The following NFIC variants were observed in gnomAD, a reference collection of about 807,000 sequenced individuals.
NFIC encodes nuclear factor 1 C-type.
Under a neutral mutation model 54.4 loss-of-function variants are expected in NFIC, and 12 were observed. The ratio of observed to expected loss-of-function variants is 0.22; its 90% CI spans 0.14 to 0.36. NFIC has a LOEUF of 0.36. Among genes scored for constraint, NFIC ranks in the 10% least tolerant of loss-of-function variants. The probability of loss-of-function intolerance (pLI) is 1.00; values close to 1 mark genes in which losing one functional copy is unlikely to be tolerated. For missense variants in NFIC, 575 were observed against 718.2 expected, an observed-to-expected ratio of 0.80 and a Z score of 2.28; for synonymous variants, 322 against 319.2, an observed-to-expected ratio of 1.01 and a Z score of -0.09.
At chr19:3,411,532 C>T (rs1323181415) in intron 2 of NFIC, among the ~76,000 whole-genome samples, 4 of 151,874 alleles carry the variant, frequency 2.6e-5, no homozygotes, top group African/African-American at 4.8e-5. Flanking sequence ...TTCACCGTGT[C>T]GGTCAGGCTG....
rs554242563 is a variant in NFIC, at chr19:3,463,863, C to T, written c.*1094C>T. 6 of 984,364 alleles carry T rather than the reference C, an allele frequency of 6.1e-6. No individual in the cohort carries two copies. Among genetic ancestry groups the T allele is most frequent in the East Asian group, 1.1e-4 (1 of 8,756 alleles). The allele number at this position is 984,364 out of a possible 1,614,324, so 61.0% of individuals were successfully genotyped here. ...TGCCTGATTACCACCACCCGCCCCCCCCTTTGTCCAGCTGGGACACGGAAT... is the reference window on the plus strand; with the variant it reads ...TGCCTGATTACCACCACCCGCCCCCTCCTTTGTCCAGCTGGGACACGGAAT... On this transcript the variant is annotated 3_prime_UTR_variant, in exon 11 of 11. Coordinates refer to ENST00000443272, the MANE Select transcript of NFIC (RefSeq NM_001245002.2).
intron 2 of NFIC, among the ~76,000 whole-genome samples, chr19:3,392,467 C>G (rs940567682): frequency 6.6e-6 from 1 of 152,252 alleles, no homozygotes; most frequent in South Asian, 2.1e-4. Flanking sequence ...CCCACCACCC[C>G]GCAGACGCCC....
intron 1 of NFIC, among the ~76,000 whole-genome samples, chr19:3,376,428 C>CAAAAAAA (rs35724239): frequency 2.9e-4 from 14 of 48,184 alleles, no homozygotes; most frequent in African/African-American, 4.9e-4. Flanking sequence ...GACACTGTCT[C>CAAAAAAA]AAAAAAAAAA....
intron 10 of NFIC, among the ~76,000 whole-genome samples, chr19:3,461,531 C>T (rs1197044131): frequency 2.0e-5 from 3 of 149,438 alleles, no homozygotes; most frequent in South Asian, 2.1e-4. Flanking sequence ...AAGACCAGCC[C>T]GGCCAACATG....
intron 2 of NFIC, among the ~76,000 whole-genome samples, chr19:3,407,334 C>G (rs2081668670): frequency 6.6e-6 from 1 of 152,028 alleles, no homozygotes; most frequent in Non-Finnish European, 1.5e-5. Context: ...AGGATGGTCT[C>G]GATCTCCTGA....
At chr19:3,389,384 G>C (rs1170901282) in intron 2 of NFIC, among the ~76,000 whole-genome samples, 1 of 152,118 alleles carries the variant, frequency 6.6e-6, no homozygotes, top group Non-Finnish European at 1.5e-5. Flanking sequence ...CGGCCTTGTG[G>C]GCCACAGACA....
In NFIC at chr19:3,463,857, GCCCC is replaced by G; in HGVS notation, c.*1093_*1096del. ...TTTAAGTGCCTGATTACCACCACCC[GCCCC>G]CCCCTTTGTCCAGCTGGGACACGGA... is the stretch of plus-strand genomic sequence containing the variant. On this transcript the variant is annotated 3_prime_UTR_variant, in exon 11 of 11. Transcript: ENST00000443272. The G allele has an allele frequency of 1.1e-6, 1 of 878,108 alleles. No homozygotes were observed. 54.4% of individuals were successfully genotyped at this position (878,108 alleles called of 1,614,324 possible). A position where few individuals can be genotyped will look rare whatever the true frequency, so the allele number is the denominator to read the frequency against.
rs2082605912 is a variant in NFIC, at chr19:3,459,246, A to G, written c.1509+2611A>G. Among the ~76,000 whole-genome samples, 1 of 102,050 alleles carries G rather than the reference A, an allele frequency of 9.8e-6. No individual in the cohort carries two copies. 66.9% of individuals were successfully genotyped at this position (102,050 alleles called of 152,430 possible). ...GCTCCCGACACCCCCCAGTCCATGG[A>G]CTCTCCCCCCATCAATATCCCTCCC... On this transcript the variant is annotated intron_variant, in intron 10 of 10. Transcript: ENST00000443272. This position sits in a 1 kb window ranked among gnomAD's most constrained non-coding sequence, Gnocchi z 4.2.
rs964365029 is a variant in NFIC at position 3,382,395 on chromosome 19, G to A, written c.562+152G>A. 1.3e-5 allele frequency: 13 copies of A among 1,004,140 alleles called. No homozygotes were observed. In the African/African-American group the frequency reaches 2.4e-4, roughly 18 times the overall value. 62.2% of individuals were successfully genotyped at this position (1,004,140 alleles called of 1,614,324 possible). A position where few individuals can be genotyped will look rare whatever the true frequency, so the allele number is the denominator to read the frequency against. On this transcript the variant is annotated intron_variant, in intron 2 of 10. Coordinates refer to ENST00000443272, the MANE Select transcript of NFIC (RefSeq NM_001245002.2). ...AGTGGGCCTTGGAGAGTGCCCAATG[G>A]GGGCGACACGGGGCACGGAGCATCT...
At chr19:3,409,148 T>C (rs1191071843) in intron 2 of NFIC, among the ~76,000 whole-genome samples, 1 of 152,048 alleles carries the variant, frequency 6.6e-6, no homozygotes, top group African/African-American at 2.4e-5. Context: ...ATGGTCCCGC[T>C]CCCCTCTCCG....
Position 3,467,102 on chromosome 19 carries a change from G to GT in NFIC, c.*4338dup, listed in dbSNP as rs146782728. The GT allele has an allele frequency of 0.11, 15,676 of 148,418 alleles. 2,080 individuals carry two copies. The highest frequency in any genetic ancestry group is 0.32 in the African/African-American group (12,194 of 38,458). 9.2% of individuals were successfully genotyped at this position (148,418 alleles called of 1,614,324 possible). On this transcript the variant is annotated 3_prime_UTR_variant, in exon 11 of 11. Coordinates refer to ENST00000443272, the MANE Select transcript of NFIC (RefSeq NM_001245002.2). ...GTGGAGGAGGGAGTGTTGGTTTTTT[G>GT]TTTTTGTTTTTTTAACATGTATGAA...
chr19:3,454,595 G>A (rs1287535249), intron 9 of NFIC, among the ~76,000 whole-genome samples: 2 of 151,950 alleles, frequency 1.3e-5, no homozygotes, highest in Non-Finnish European at 2.9e-5. Flanking sequence ...CCATTCGTCC[G>A]CAGTGGCTCT....
chr19:3,386,109 G>A (rs2081291951), intron 2 of NFIC, among the ~76,000 whole-genome samples: 2 of 151,902 alleles, frequency 1.3e-5, no homozygotes, highest in Admixed American at 1.3e-4. Context: ...AACTCCGGCT[G>A]GGTGTGGTGG....
At chr19:3,430,862 G>A (rs1273219840) in intron 3 of NFIC, among the ~76,000 whole-genome samples, 6 of 148,512 alleles carry the variant, frequency 4.0e-5, no homozygotes, top group Non-Finnish European at 5.9e-5. Context: ...AACCTGGGAG[G>A]CATAGGTTGC....
At chr19:3,380,804 G>T (rs1167417232) in intron 1 of NFIC, among the ~76,000 whole-genome samples, 2 of 151,670 alleles carry the variant, frequency 1.3e-5, no homozygotes, top group African/African-American at 2.4e-5. Flanking sequence ...GCTAATTTTT[G>T]TTTTTTTGAT....
At chr19:3,427,959 C>T (rs571675728) in intron 3 of NFIC, among the ~76,000 whole-genome samples, 2 of 151,944 alleles carry the variant, frequency 1.3e-5, no homozygotes, top group African/African-American at 4.8e-5. Flanking sequence ...CACCTGAGGT[C>T]AGGAGTTTGA....
rs955792207 is a variant in NFIC at position 3,369,038 on chromosome 19, C to A, written c.30+2372C>A. Among the ~76,000 whole-genome samples the A allele has an allele frequency of 6.6e-6, 1 of 151,500 alleles. No individual in the cohort carries two copies. The highest frequency in any genetic ancestry group is 1.5e-5 in the Non-Finnish European group (1 of 67,904). ...GTCTCTTTGTGTCTCTCTTTCTCAT[C>A]CTCTGTCTCTCTGATGTCTCAGTCT... On this transcript the variant is annotated intron_variant, in intron 1 of 10. Transcript: ENST00000443272. This position sits in a 1 kb window ranked among gnomAD's most constrained non-coding sequence, Gnocchi z 4.3.
Position 3,436,416 on chromosome 19 carries a change from G to A in NFIC, c.958+1209G>A, listed in dbSNP as rs563930616. ...CAAGTGTGATCTTTCCTCCTGCCTC[G>A]TCCTCCCAAAGTGCTGGGATTCCAG... On this transcript the variant is annotated intron_variant, in intron 6 of 10. Transcript: ENST00000443272. Among the ~76,000 whole-genome samples the A allele has an allele frequency of 3.1e-3, 443 of 142,014 alleles. 4 individuals carry two copies. The highest frequency in any genetic ancestry group is 5.1e-3 in the Non-Finnish European group (339 of 66,636). 93.2% of individuals were successfully genotyped at this position (142,014 alleles called of 152,430 possible). A position where few individuals can be genotyped will look rare whatever the true frequency, so the allele number is the denominator to read the frequency against.
At chr19:3,450,669 C>A (rs1289727308) in intron 7 of NFIC, among the ~76,000 whole-genome samples, 1 of 151,972 alleles carries the variant, frequency 6.6e-6, no homozygotes, top group African/African-American at 2.4e-5. Flanking sequence ...AAAAACAAAA[C>A]AGAACAAACA....
Sources: allele counts gnomAD v4.1 joint callset (sites outside exome capture counted in the v4.1 genomes callset), GRCh38; gene constraint gnomAD v4.1.1; non-coding constraint Gnocchi (gnomAD v3.1); transcripts MANE v1.5; gene names NCBI Gene and HGNC (gene_info 2026-07-23, HGNC 2026-07-21).